Variants in TNRC6A observed in about 807,000 individuals in gnomAD.
TNRC6A encodes the protein trinucleotide repeat-containing gene 6A protein.
TNRC6A carries 44 observed loss-of-function variants against 221.2 expected under a neutral mutation model. The observed-to-expected ratio is 0.20, with a 90% confidence interval of 0.16 to 0.26. TNRC6A has a LOEUF of 0.26. Among genes scored for constraint, TNRC6A ranks in the 10% least tolerant of loss-of-function variants. The pLI, the probability that TNRC6A is intolerant of heterozygous loss-of-function variation, is 1.00. For synonymous variants in TNRC6A, 847 were observed against 838.5 expected (o/e 1.01, Z -0.18); for missense variants, 2,199 against 2,404.4 (o/e 0.91, Z 1.79).
At chr16:24,796,724 C>T (rs1335451007) in intron 9 of TNRC6A, among the ~76,000 whole-genome samples, 2 of 131,682 alleles carry the variant, frequency 1.5e-5, no homozygotes, top group Non-Finnish European at 3.2e-5. Flanking sequence ...AAGGAATGGA[C>T]AGTAGCAATG....
At chr16:24,640,475 C>T (rs901154832) in intron 1 of TNRC6A, among the ~76,000 whole-genome samples, 1 of 151,420 alleles carries the variant, frequency 6.6e-6, no homozygotes, top group Non-Finnish European at 1.5e-5. Flanking sequence ...CACCTGTAAT[C>T]CCAGCACTTT....
At chr16:24,822,754 A>T (rs1440727130) in intron 23 of TNRC6A, 120 bp from the exon 24 acceptor site, 8 of 1,349,514 alleles carry the variant, frequency 5.9e-6, no homozygotes, top group Non-Finnish European at 8.1e-6. Context: ...GTCAGTGAAG[A>T]GTGGTGCCAG....
intron 2 of TNRC6A, among the ~76,000 whole-genome samples, chr16:24,657,704 A>T (rs956959716): frequency 3.3e-5 from 4 of 122,870 alleles, no homozygotes; most frequent in African/African-American, 1.1e-4. Flanking sequence ...GCAAAGCTCC[A>T]TCTCAAAAAA....
intron 1 of TNRC6A, among the ~76,000 whole-genome samples, chr16:24,616,950 T>C (rs577307463): frequency 3.9e-4 from 59 of 151,584 alleles, no homozygotes; most frequent in African/African-American, 1.4e-3. Flanking sequence ...TCTGCAATTG[T>C]TGGGTATAAA....
At chr16:24,696,650 G>A (rs1481294083) in intron 2 of TNRC6A, among the ~76,000 whole-genome samples, 1 of 146,572 alleles carries the variant, frequency 6.8e-6, no homozygotes, top group African/African-American at 2.5e-5. Flanking sequence ...GATTGCTTGA[G>A]ACTAGGAGGT....
intron 9 of TNRC6A, among the ~76,000 whole-genome samples, chr16:24,796,914 C>T (rs912927664): frequency 3.3e-5 from 5 of 152,288 alleles, no homozygotes; most frequent in Middle Eastern, 3.4e-3. Flanking sequence ...CCCAACCAGC[C>T]GCAGAGAGCC....
intron 3 of TNRC6A, among the ~76,000 whole-genome samples, chr16:24,755,164 T>C (rs2057222871): frequency 6.6e-6 from 1 of 152,202 alleles, no homozygotes; most frequent in Admixed American, 6.5e-5. Flanking sequence ...CTAGACTGAG[T>C]GCTGATTGCT....
In TNRC6A at chr16:24,808,490, G is replaced by A. The variant is rs11865213; in HGVS notation, c.4541-860G>A. 8.7e-3 allele frequency among the ~76,000 whole-genome samples: 1,327 copies of A among 152,334 alleles called. 22 individuals carry two copies. Among genetic ancestry groups the A allele is most frequent in the African/African-American group, 0.03 (1,258 of 41,582 alleles). ...ACCAGCAGAGTTGCATGGAGACACC[G>A]GGACCATGTGGCCCACAGAGCCTGA... is the stretch of plus-strand genomic sequence containing the variant. On this transcript the variant is annotated intron_variant, in intron 17 of 24. Coordinates refer to ENST00000395799, the MANE Select transcript of TNRC6A (RefSeq NM_014494.4).
In TNRC6A at chr16:24,674,107, G is replaced by A. The variant is rs1239878417; in HGVS notation, n.402+33098G>A. ...TTTTTTTGAGACAGGGTTTGGCTGTGTCGCCCAGGCTGGAATACGGTGGTG... is the reference window on the plus strand; with the variant it reads ...TTTTTTTGAGACAGGGTTTGGCTGTATCGCCCAGGCTGGAATACGGTGGTG... On this transcript the variant is annotated intron_variant and non_coding_transcript_variant, in intron 2 of 2. Coordinates refer to the TNRC6A transcript ENST00000566108. Among the ~76,000 whole-genome samples the A allele has an allele frequency of 2.0e-5, 3 of 152,196 alleles. No individual in the cohort carries two copies. The East Asian group carries it at 5.8e-4, about 29-fold the overall frequency.
chr16:24,773,063 C>T (rs973651269), intron 4 of TNRC6A, among the ~76,000 whole-genome samples: 2 of 151,888 alleles, frequency 1.3e-5, no homozygotes, highest in Non-Finnish European at 2.9e-5. Flanking sequence ...TAGAAGCATG[C>T]CTTGGATTAT....
At position 24,804,027 on chromosome 16, in the gene TNRC6A, A is replaced by C. The variant is rs931928329; in HGVS notation, c.3695-150A>C. ...CGACTTCATTTGTGAGGAATGCAAA[A>C]TTTATGAAATGGAAGTGTATTTTTC... On this transcript the variant is annotated intron_variant, in intron 11 of 24. Transcript: ENST00000395799. 11 of 732,146 alleles carry C rather than the reference A, an allele frequency of 1.5e-5. No individual in the cohort carries two copies. The South Asian group carries it at 2.1e-4, about 14-fold the overall frequency. The allele number at this position is 732,146 out of a possible 1,614,324, so 45.4% of individuals were successfully genotyped here.
chr16:24,736,945 G>C (rs1365649658), intron 2 of TNRC6A, among the ~76,000 whole-genome samples: 1 of 152,174 alleles, frequency 6.6e-6, no homozygotes, highest in African/African-American at 2.4e-5. Flanking sequence ...AAAGTTGCTT[G>C]TTTTCAGCTT....
chr16:24,688,941 C>A (rs1209989302), intron 2 of TNRC6A, among the ~76,000 whole-genome samples: 1 of 152,138 alleles, frequency 6.6e-6, no homozygotes, highest in African/African-American at 2.4e-5. Flanking sequence ...GTGGCTCATG[C>A]CTGTAACCCA....
chr16:24,787,123 A>G (rs1390483360), intron 5 of TNRC6A, among the ~76,000 whole-genome samples: 1 of 152,222 alleles, frequency 6.6e-6, no homozygotes. Context: ...TAATCACTAC[A>G]TCAAATTGAC....
Position 24,654,684 on chromosome 16 carries a change from A to G in TNRC6A, n.402+13675A>G, listed in dbSNP as rs369854301. Among the ~76,000 whole-genome samples, 11 of 152,228 alleles carry G rather than the reference A, an allele frequency of 7.2e-5. No homozygotes were observed. In the East Asian group the frequency reaches 2.1e-3, roughly 29 times the overall value. Reference sequence around the variant, plus strand: ...CAATGAGATGAGATCGCACCACTGCACTCCAGCCTGGGTGACAGAGTGAGA... The same window carrying G: ...CAATGAGATGAGATCGCACCACTGCGCTCCAGCCTGGGTGACAGAGTGAGA... On this transcript the variant is annotated intron_variant and non_coding_transcript_variant, in intron 2 of 2. Transcript: ENST00000566108.
chr16:24,674,510 T>G (rs2055368140), intron 2 of TNRC6A, among the ~76,000 whole-genome samples: 1 of 152,160 alleles, frequency 6.6e-6, no homozygotes, highest in Non-Finnish European at 1.5e-5. Context: ...AATCTGGAAC[T>G]AATTGGAAAG....
intron 2 of TNRC6A, among the ~76,000 whole-genome samples, chr16:24,724,647 G>A (rs1179414147): frequency 6.6e-6 from 1 of 152,092 alleles, no homozygotes; most frequent in Non-Finnish European, 1.5e-5. Context: ...TTGAGGCTGA[G>A]GTGGGAGGAT....
chr16:24,717,770 CT>C (rs71383705), intron 2 of TNRC6A, among the ~76,000 whole-genome samples: 1,802 of 107,334 alleles, frequency 0.017, 3 homozygotes, highest in Middle Eastern at 0.025. Context: ...TTTTTTTTTT[CT>C]TTTTTTTTTT....
At chr16:24,781,886 G>A (rs149058438) in intron 5 of TNRC6A, among the ~76,000 whole-genome samples, 7,360 of 150,844 alleles carry the variant, frequency 0.049, 573 homozygotes, top group East Asian at 0.35. Flanking sequence ...GCAGTGGCAC[G>A]ATCTCGGCTC....
Sources: allele counts gnomAD v4.1 joint callset (sites outside exome capture counted in the v4.1 genomes callset), GRCh38; gene constraint gnomAD v4.1.1; transcripts MANE v1.5; gene names NCBI Gene and HGNC (gene_info 2026-07-23, HGNC 2026-07-21).